Variants in NELL2 observed in about 807,000 individuals in gnomAD.
The protein encoded by NELL2 is neural EGFL like 2, also known as protein kinase C-binding protein NELL2.
In NELL2, 41 loss-of-function variants were observed where a neutral mutation model predicts 109.6. The ratio of observed to expected loss-of-function variants is 0.37; its 90% CI spans 0.29 to 0.49. NELL2 has a LOEUF of 0.49. NELL2 is among the 20% of genes least tolerant of loss of function. The pLI is 0.98. For missense variants in NELL2, 900 were observed against 1,008.3 expected (o/e 0.89, Z 1.45); for synonymous variants, 355 against 344.7 (o/e 1.03, Z -0.33).
chr12:44,918,069 C>T (rs1302881767), upstream of NELL2, among the ~76,000 whole-genome samples: 1 of 152,200 alleles, frequency 6.6e-6, no homozygotes, highest in East Asian at 1.9e-4. Flanking sequence ...ACCTAAAACA[C>T]CTCCACTTGA....
intron 13 of NELL2, among the ~76,000 whole-genome samples, chr12:44,649,169 T>A (rs1046947257): frequency 6.6e-6 from 1 of 152,014 alleles, no homozygotes; most frequent in Admixed American, 6.6e-5. Flanking sequence ...AAGGACAATG[T>A]AGATCCTTCC....
chr12:44,646,263 G>A (rs956862509), intron 13 of NELL2, among the ~76,000 whole-genome samples: 6 of 152,128 alleles, frequency 3.9e-5, no homozygotes, highest in Admixed American at 1.3e-4. Context: ...AGCACTGAGA[G>A]TTAAGCAACT....
At chr12:44,620,121 G>GT (rs147103574) in intron 13 of NELL2, among the ~76,000 whole-genome samples, 22,053 of 134,316 alleles carry the variant, frequency 0.16, 1,881 homozygotes, top group East Asian at 0.38. Flanking sequence ...CCTGGGTTTT[G>GT]TTTTTTTTTT....
chr12:44,799,625 C>G (rs1212738461), intron 3 of NELL2, among the ~76,000 whole-genome samples: 1 of 151,954 alleles, frequency 6.6e-6, no homozygotes, highest in African/African-American at 2.4e-5. Flanking sequence ...CCACAGAATA[C>G]AGATCAGTAT....
chr12:44,873,658 A>T (rs1001308030), intron 2 of NELL2, among the ~76,000 whole-genome samples: 3 of 152,052 alleles, frequency 2.0e-5, no homozygotes, highest in African/African-American at 7.2e-5. Flanking sequence ...CAGTTACTCG[A>T]ATTGGCAGTC....
At chr12:44,672,254 A>G (rs1478990181) in intron 12 of NELL2, among the ~76,000 whole-genome samples, 1 of 152,232 alleles carries the variant, frequency 6.6e-6, no homozygotes, top group Non-Finnish European at 1.5e-5. Context: ...TGGGCCGCAC[A>G]GCAGGAAGTG....
intron 1 of NELL2, chr12:44,921,655 T>C (rs1945868934): frequency 6.6e-6 from 1 of 152,102 alleles, no homozygotes; most frequent in Non-Finnish European, 1.5e-5. Context: ...ACAAAAAAAG[T>C]GCTAATGGAG....
At chr12:44,840,135 TGTCAAAACCTAAA>T (rs549542387) in intron 2 of NELL2, among the ~76,000 whole-genome samples, 89 of 152,308 alleles carry the variant, frequency 5.8e-4, no homozygotes, top group Non-Finnish European at 6.6e-4. Flanking sequence ...CTCATTGGCC[TGTCAAAACCTAAA>T]TGCTTTCCAA....
rs1299161759 is a variant in NELL2, at chr12:44,623,489, T to G, written c.1445-12519A>C. Among the ~76,000 whole-genome samples the G allele has an allele frequency of 2.0e-5, 3 of 152,140 alleles. No individual in the cohort carries two copies. The East Asian group carries it at 5.8e-4, about 29-fold the overall frequency. Reference sequence around the variant, plus strand: ...GTGCCTCTTCTTTTATATCATATTTTTTTAAAGAATTTAAAATGGATTTTA... The same window carrying G: ...GTGCCTCTTCTTTTATATCATATTTGTTTAAAGAATTTAAAATGGATTTTA... On this transcript the variant is annotated intron_variant, in intron 13 of 19. Transcript: ENST00000429094.
At position 44,709,151 on chromosome 12, in the gene NELL2, A is replaced by G. The variant is rs567984896; in HGVS notation, c.1189+2141T>C. ...CCTGCAGTGTCCATTAAAGATAGCC[A>G]TTAAAAGTGGTCACAATTTTGCAGC... On this transcript the variant is annotated intron_variant, in intron 11 of 19. Transcript: ENST00000429094. Among the ~76,000 whole-genome samples, 382 of 152,224 alleles carry G rather than the reference A, an allele frequency of 2.5e-3. 3 individuals carry two copies. The highest frequency in any genetic ancestry group is 8.4e-3 in the African/African-American group (350 of 41,546).
intron 15 of NELL2, among the ~76,000 whole-genome samples, chr12:44,558,045 T>C (rs187620746): frequency 9.8e-4 from 149 of 152,054 alleles, no homozygotes; most frequent in Non-Finnish European, 1.7e-3. Context: ...AGACGGGAAA[T>C]ACAGATTTCA....
intron 15 of NELL2, 94 bp downstream of exon 15, chr12:44,607,075 G>A (rs1203728199): frequency 2.9e-6 from 3 of 1,051,528 alleles, no homozygotes; most frequent in Non-Finnish European, 4.1e-6. Flanking sequence ...TGCTTTGAGA[G>A]CCCACTTGAA....
intron 15 of NELL2, among the ~76,000 whole-genome samples, chr12:44,541,398 G>T (rs546132204): frequency 1.5e-4 from 23 of 151,754 alleles, no homozygotes; most frequent in Non-Finnish European, 3.2e-4. Context: ...GATATCCAGA[G>T]AGGAATAAAA....
At chr12:44,897,951 T>C (rs1414176508) in intron 1 of NELL2, among the ~76,000 whole-genome samples, 1 of 152,178 alleles carries the variant, frequency 6.6e-6, no homozygotes, top group Admixed American at 6.5e-5. Context: ...CCGCCATTAC[T>C]GAGGCTTCAG....
chr12:44,868,979 C>G (rs756686444), intron 2 of NELL2, among the ~76,000 whole-genome samples: 3 of 151,996 alleles, frequency 2.0e-5, no homozygotes, highest in Admixed American at 6.6e-5. Context: ...TTGTGTTGTA[C>G]ACAATAAATG....
At chr12:44,875,136 A>G (rs566943659) in intron 2 of NELL2, 89 bp downstream of exon 2, 2 of 1,505,414 alleles carry the variant, frequency 1.3e-6, no homozygotes, top group East Asian at 4.7e-5. Context: ...TCCATGAGGC[A>G]ATACAAAGTT....
chr12:44,799,869 A>G (rs1055732066), intron 3 of NELL2, among the ~76,000 whole-genome samples: 1 of 152,194 alleles, frequency 6.6e-6, no homozygotes, highest in Admixed American at 6.6e-5. Context: ...TTCTTTCTAC[A>G]TTATGTTTAA....
intron 15 of NELL2, among the ~76,000 whole-genome samples, chr12:44,553,297 A>AT (rs1008619391): frequency 1.3e-5 from 2 of 151,412 alleles, no homozygotes; most frequent in African/African-American, 2.4e-5. Flanking sequence ...AAAAAAAAAA[A>AT]AATAAGTCTC....
chr12:44,815,785 A>G, intron 3 of NELL2: 1 of 469,170 alleles, frequency 2.1e-6, no homozygotes, highest in South Asian at 3.2e-5. Context: ...AGCCCAGCTA[A>G]TTTTTGTATT....
Sources: gnomAD v4.1 joint callset for allele counts (sites outside exome capture counted in the v4.1 genomes callset) on GRCh38, gnomAD v4.1.1 for gene constraint, MANE v1.5 for transcripts, NCBI Gene and HGNC (gene_info 2026-07-23, HGNC 2026-07-21) for gene names.